ADCY9: variants seen among roughly 807,000 people sequenced by gnomAD.
The protein encoded by ADCY9 is adenylate cyclase 9.
In ADCY9, 50 loss-of-function variants were observed where a neutral mutation model predicts 101.5. That is an observed-to-expected ratio of 0.49 (90% CI 0.39 to 0.62). The LOEUF (loss-of-function observed/expected upper bound fraction) is 0.62. Ranked by LOEUF, ADCY9 falls within the 20% of genes least tolerant of loss-of-function variation. The probability of loss-of-function intolerance (pLI) is 0.00; values close to 1 mark genes in which losing one functional copy is unlikely to be tolerated. For missense variants in ADCY9, 1,662 were observed against 1,800.4 expected (o/e 0.92, Z 1.39); for synonymous variants, 905 against 769.3 (o/e 1.18, Z -2.92).
intron 2 of ADCY9, among the ~76,000 whole-genome samples, chr16:4,013,119 G>A (rs1461842996): frequency 2.6e-5 from 4 of 151,970 alleles, no homozygotes; most frequent in Non-Finnish European, 5.9e-5. Context: ...GGGTGTGGTG[G>A]CACCTGTGGT....
chr16:4,033,927 A>G (rs1470888860), intron 2 of ADCY9, among the ~76,000 whole-genome samples: 1 of 152,212 alleles, frequency 6.6e-6, no homozygotes, highest in Non-Finnish European at 1.5e-5. Flanking sequence ...CCTGGCACAT[A>G]TTAGCACCGA....
chr16:4,075,041 G>C (rs2056858390), intron 2 of ADCY9, among the ~76,000 whole-genome samples: 1 of 152,128 alleles, frequency 6.6e-6, no homozygotes, highest in African/African-American at 2.4e-5. Context: ...GCCAGCTATG[G>C]TGGTGCATGC....
chr16:3,983,256 A>G lies in ADCY9; in HGVS notation c.2495T>C (p.Val832Ala), dbSNP rs1597143538. ...AVFSAALLLE[V>A]LSLAVSIRMV... is the part of the protein sequence containing the mutation. Reference sequence around the variant, plus strand: ...CCTGATGGACACCGCGAGGGACAGCACCTCCAGCAGCAGGGCTGCACTGAA... The same window carrying G: ...CCTGATGGACACCGCGAGGGACAGCGCCTCCAGCAGCAGGGCTGCACTGAA... Residue 832 changes from valine (V) to alanine (A), a missense_variant, in exon 7 of 11, where the codon GTG (valine) becomes GCG (alanine). Around this residue, in one of 5 missense-constraint regions of ADCY9, gnomAD observed 624 missense variants for 639.1 expected, o/e 0.98. Coordinates refer to ENST00000294016, the MANE Select transcript of ADCY9 (RefSeq NM_001116.4). 1 of 1,551,866 alleles carries G rather than the reference A, an allele frequency of 6.4e-7. No individual in the cohort carries two copies. Among genetic ancestry groups the G allele is most frequent in the African/African-American group, 1.4e-5 (1 of 73,094 alleles).
chr16:4,106,964 C>G (rs748703080), intron 2 of ADCY9, among the ~76,000 whole-genome samples: 1 of 152,220 alleles, frequency 6.6e-6, no homozygotes, highest in Non-Finnish European at 1.5e-5. Context: ...ACAGCCCTCC[C>G]TTCCTTCTTC....
rs141385288 is a variant in ADCY9 at position 3,966,534 on chromosome 16, G to A, written c.3303C>T (p.Tyr1101=). 3.1e-6 allele frequency: 5 copies of A among 1,614,212 alleles called. No individual in the cohort carries two copies. In the African/African-American group the frequency reaches 5.3e-5, roughly 17 times the overall value. The change falls in exon 11 of 11, where the codon TAC becomes TAT. Residue 1101 remains tyrosine (Y), a synonymous_variant. Coordinates refer to ENST00000294016, the MANE Select transcript of ADCY9 (RefSeq NM_001116.4). ...TGGTCTTGATCTTCTCGATGCTGCT[G>A]TAGTCCGGCTTGCTTAGGAGCTCGT... ...DFDELLSKPD[Y]SSIEKIKTIG...
chr16:4,069,483 G>A (rs2056820483), intron 2 of ADCY9, among the ~76,000 whole-genome samples: 1 of 151,024 alleles, frequency 6.6e-6, no homozygotes, highest in Admixed American at 6.6e-5. Flanking sequence ...GACAGAGTGG[G>A]GCTTCAACAA....
chr16:3,956,503 T>TTTTTTTTTTTTTTTTGGGG (rs55792938), intron 5 of ADCY9, among the ~76,000 whole-genome samples: 1 of 69,496 alleles, frequency 1.4e-5, no homozygotes, highest in African/African-American at 4.0e-5. Context: ...TTTTTTTTTT[T>TTTTTTTTTTTTTTTTGGGG]GGGGGGGGAT....
intron 6 of ADCY9, 170 bp from the exon 7 acceptor site, chr16:3,983,610 G>T (rs1439225665): frequency 1.6e-6 from 1 of 623,622 alleles, no homozygotes; most frequent in African/African-American, 1.8e-5. Context: ...TTAACACTGG[G>T]GAGTCCAAGG....
chr16:4,089,702 G>A (rs1279907966), intron 2 of ADCY9, among the ~76,000 whole-genome samples: 3 of 152,078 alleles, frequency 2.0e-5, no homozygotes, highest in South Asian at 2.1e-4. Flanking sequence ...GCCGTAAAGG[G>A]GAAAGTCTGG....
chr16:4,013,947 T>C (rs1466214041), intron 2 of ADCY9, among the ~76,000 whole-genome samples: 1 of 152,206 alleles, frequency 6.6e-6, no homozygotes, highest in Non-Finnish European at 1.5e-5. Context: ...GATTTGTTCT[T>C]GTTGTCCCAA....
intron 2 of ADCY9, among the ~76,000 whole-genome samples, chr16:4,023,631 G>A (rs1246262534): frequency 6.6e-6 from 1 of 152,198 alleles, no homozygotes; most frequent in Non-Finnish European, 1.5e-5. Context: ...GTTTCTGCCT[G>A]GCCAGGTGCA....
intron 2 of ADCY9, among the ~76,000 whole-genome samples, chr16:4,043,093 T>C (rs368211574): frequency 2.0e-4 from 30 of 151,920 alleles, no homozygotes; most frequent in African/African-American, 6.5e-4. Flanking sequence ...TAGCCGGGCG[T>C]GGTGGCGGGC....
downstream of ADCY9, among the ~76,000 whole-genome samples, chr16:3,961,831 G>C (rs1002317680): frequency 6.6e-6 from 1 of 152,112 alleles, no homozygotes; most frequent in Non-Finnish European, 1.5e-5. Context: ...TTCGAGACCA[G>C]TCTGGCCAAC....
intron 2 of ADCY9, among the ~76,000 whole-genome samples, chr16:4,008,200 T>C (rs1320370677): frequency 7.6e-6 from 1 of 131,434 alleles, no homozygotes; most frequent in Admixed American, 7.4e-5. Flanking sequence ...AAATCCCGCA[T>C]ATAGAAAAAA....
At chr16:4,079,517 C>T (rs2056888765) in intron 2 of ADCY9, among the ~76,000 whole-genome samples, 3 of 152,136 alleles carry the variant, frequency 2.0e-5, no homozygotes, top group South Asian at 4.1e-4. Flanking sequence ...TGCAGTGAGC[C>T]GAGATCATGC....
intron 2 of ADCY9, among the ~76,000 whole-genome samples, chr16:4,030,588 A>C (rs1254969869): frequency 2.0e-5 from 3 of 152,094 alleles, no homozygotes; most frequent in African/African-American, 7.2e-5. Flanking sequence ...CTGTAGTCCC[A>C]GCTCCTCAGG....
At chr16:4,099,744 T>C in intron 2 of ADCY9, among the ~76,000 whole-genome samples, 1 of 152,146 alleles carries the variant, frequency 6.6e-6, no homozygotes, top group Admixed American at 6.5e-5. Context: ...AAAAATCACC[T>C]TTGGAGGACG....
chr16:4,077,310 G>A (rs1384448398), intron 2 of ADCY9, among the ~76,000 whole-genome samples: 6 of 152,166 alleles, frequency 3.9e-5, no homozygotes, highest in Non-Finnish European at 8.8e-5. Context: ...GGAGAGATGA[G>A]CAGATTCACG....
intron 2 of ADCY9, among the ~76,000 whole-genome samples, chr16:4,043,594 G>A (rs1276033835): frequency 6.6e-6 from 1 of 152,094 alleles, no homozygotes; most frequent in Non-Finnish European, 1.5e-5. Flanking sequence ...GGAGGCCGAG[G>A]CAGGAGACTC....
Sources: allele counts gnomAD v4.1 joint callset (sites outside exome capture counted in the v4.1 genomes callset), GRCh38; gene constraint gnomAD v4.1.1; regional missense constraint gnomAD v4.1.1; transcripts MANE v1.5; gene names NCBI Gene and HGNC (gene_info 2026-07-23, HGNC 2026-07-21).